Variants in MYO7B observed in about 807,000 individuals in gnomAD.
MYO7B encodes myosin VIIB.
A neutral mutation model predicts 259.7 loss-of-function variants in MYO7B; 212 were observed. The ratio of observed to expected loss-of-function variants is 0.82; its 90% CI spans 0.73 to 0.91. The LOEUF is 0.91. Among genes scored for constraint, MYO7B ranks in the 40% least tolerant of loss-of-function variants. The probability of loss-of-function intolerance (pLI) is 0.00; values close to 1 mark genes in which losing one functional copy is unlikely to be tolerated. For missense variants in MYO7B, 2,732 were observed against 2,813.5 expected, an observed-to-expected ratio of 0.97 and a Z score of 0.66; for synonymous variants, 1,197 against 1,166.4, an observed-to-expected ratio of 1.03 and a Z score of -0.54.
rs997073571 is a variant in MYO7B at position 127,614,786 on chromosome 2, A to G, written c.3398+2183A>G. On this transcript the variant is annotated intron_variant, in intron 26 of 47. Coordinates refer to ENST00000409816, the MANE Select transcript of MYO7B (RefSeq NM_001393586.1). This position sits in a 1 kb window ranked among gnomAD's most constrained non-coding sequence, Gnocchi z 4.6. ...CCAGGAATCACATTCCAAATTTCTT[A>G]TCTTCCCTTATGCAGGCTGGAGGTG... Among the ~76,000 whole-genome samples, 6 of 152,140 alleles carry G rather than the reference A, an allele frequency of 3.9e-5. No homozygotes were observed. The highest frequency in any genetic ancestry group is 1.4e-4 in the African/African-American group (6 of 41,428).
chr2:127,625,128 C>G (rs1185502084), intron 30 of MYO7B, among the ~76,000 whole-genome samples: 1 of 152,242 alleles, frequency 6.6e-6, no homozygotes, highest in Admixed American at 6.5e-5. Context: ...CACCCCAGAA[C>G]TGGAGAGCAG....
chr2:127,576,636 C>G lies in MYO7B; in HGVS notation c.777C>G (p.Leu259=). The G allele has an allele frequency of 6.2e-7, 1 of 1,612,036 alleles. No individual in the cohort carries two copies. Among genetic ancestry groups the G allele is most frequent in the Non-Finnish European group, 8.5e-7 (1 of 1,178,706 alleles). The change falls in exon 8 of 48, where the codon CTC becomes CTG. Residue 259 remains leucine, a synonymous_variant. Coordinates refer to ENST00000409816, the MANE Select transcript of MYO7B (RefSeq NM_001393586.1). This position sits in a 1 kb window ranked among gnomAD's most constrained non-coding sequence, Gnocchi z 4.9. ...ERNYHIFYCM[L]MGVSAEDKQL... ...ACTACCATATCTTCTACTGCATGCT[C>G]ATGGGGGTGAGTGCTGAGGACAAGC...
At chr2:127,594,069 G>C (rs1679672948) in intron 18 of MYO7B, among the ~76,000 whole-genome samples, 1 of 152,258 alleles carries the variant, frequency 6.6e-6, no homozygotes, top group South Asian at 2.1e-4. Context: ...GCAGAGCCCG[G>C]AGGGCTACTG....
chr2:127,618,420 G>A (rs10175435), intron 26 of MYO7B, among the ~76,000 whole-genome samples: 124 of 152,286 alleles, frequency 8.1e-4, no homozygotes, highest in African/African-American at 2.9e-3. Flanking sequence ...GGAGGAGGAG[G>A]TAACGATTGG....
At chr2:127,601,875 C>T (rs1679975140) in intron 19 of MYO7B, among the ~76,000 whole-genome samples, 1 of 152,124 alleles carries the variant, frequency 6.6e-6, no homozygotes, top group African/African-American at 2.4e-5. Context: ...AATGTGGTTT[C>T]ATTATAATGA....
chr2:127,579,615 T>C (rs1405662902), intron 9 of MYO7B, among the ~76,000 whole-genome samples: 2 of 152,108 alleles, frequency 1.3e-5, no homozygotes, highest in African/African-American at 4.8e-5. Context: ...AGACAGGGTC[T>C]TGCTTTGTTG....
In MYO7B at chr2:127,634,305, G is replaced by T. The variant is rs779825003; in HGVS notation, c.5625+16G>T. 6 of 1,545,990 alleles carry T rather than the reference G, an allele frequency of 3.9e-6. No individual in the cohort carries two copies. The highest frequency in any genetic ancestry group is 1.4e-5 in the African/African-American group (1 of 72,166). ...TTCAGACAAGGTGGGCCGGGCTGGG[G>T]CTGGGCAGACGGTGGGCGGACGGGC... On this transcript the variant is annotated intron_variant, in intron 41 of 47. Coordinates refer to ENST00000409816, the MANE Select transcript of MYO7B (RefSeq NM_001393586.1).
rs939729297 is a variant in MYO7B, at chr2:127,580,796, T to C, written c.1054T>C (p.Phe352Leu). 1.2e-6 allele frequency: 2 copies of C among 1,613,350 alleles called. No individual in the cohort carries two copies. The highest frequency in any genetic ancestry group is 1.7e-6 in the Non-Finnish European group (2 of 1,179,710). ...DASDVMETPA[F>L]PTVMKLLEVQ... ...CTCAGACGTGATGGAGACGCCCGCC[T>C]TTCCCACCGTGATGAAGTTACTGGA... Residue 352 changes from phenylalanine (F) to leucine (L), a missense_variant, in exon 10 of 48, where the codon TTT becomes CTT. This residue lies in a region of MYO7B where 1,906 missense variants were observed against 2,026.4 expected (regional missense o/e 0.94). Coordinates refer to ENST00000409816, the MANE Select transcript of MYO7B (RefSeq NM_001393586.1).
chr2:127,631,240 C>T lies in MYO7B; in HGVS notation c.4972C>T (p.Leu1658=), dbSNP rs1349440718. The T allele has an allele frequency of 1.9e-6, 3 of 1,609,346 alleles. No homozygotes were observed. Among genetic ancestry groups the T allele is most frequent in the Admixed American group, 1.7e-5 (1 of 59,822 alleles). ...PEKDMVSMAV[L]PLARARGHLW... Reference sequence around the variant, plus strand: ...GAAGGACATGGTGAGCATGGCCGTGCTGCCCCTGGCCCGTGCCCGTGGCCA... The same window carrying T: ...GAAGGACATGGTGAGCATGGCCGTGTTGCCCCTGGCCCGTGCCCGTGGCCA... The change falls in exon 37 of 48, where the codon CTG becomes TTG. Residue 1658 remains leucine, a synonymous_variant. Transcript: ENST00000409816.
intron 6 of MYO7B, among the ~76,000 whole-genome samples, chr2:127,571,012 G>C (rs552940416): frequency 3.9e-5 from 6 of 152,156 alleles, no homozygotes; most frequent in Non-Finnish European, 8.8e-5. Context: ...GTTGTTTATC[G>C]TTTTTAGCTG....
At chr2:127,634,463 C>A in intron 41 of MYO7B, 133 bp from the exon 42 acceptor site, 1 of 903,800 alleles carries the variant, frequency 1.1e-6, no homozygotes, top group Non-Finnish European at 1.7e-6. Context: ...GCTCCACACG[C>A]CAATAGCCCA....
chr2:127,618,292 A>G (rs1179470606), intron 26 of MYO7B, among the ~76,000 whole-genome samples: 1 of 152,174 alleles, frequency 6.6e-6, no homozygotes, highest in Non-Finnish European at 1.5e-5. Flanking sequence ...ACTTAAAACA[A>G]AAGAAACTGT....
intron 29 of MYO7B, among the ~76,000 whole-genome samples, chr2:127,623,639 C>T (rs1374746338): frequency 6.6e-6 from 1 of 152,202 alleles, no homozygotes; most frequent in Non-Finnish European, 1.5e-5. Flanking sequence ...GTCCCCCACC[C>T]AGCAGCCACG....
At chr2:127,555,031 C>G (rs995663698) in intron 1 of MYO7B, among the ~76,000 whole-genome samples, 1 of 151,828 alleles carries the variant, frequency 6.6e-6, no homozygotes, top group East Asian at 1.9e-4. Flanking sequence ...TCACTGCAAC[C>G]TCTGCCTCCC....
chr2:127,570,611 C>T (rs1227633157), intron 6 of MYO7B, among the ~76,000 whole-genome samples: 2 of 152,246 alleles, frequency 1.3e-5, no homozygotes, highest in African/African-American at 4.8e-5. Flanking sequence ...GTTTGCTTTA[C>T]ATATAGTAAA....
At chr2:127,592,651 G>A (rs1679601260) in intron 16 of MYO7B, 143 bp from the exon 17 acceptor site, 1 of 1,044,806 alleles carries the variant, frequency 9.6e-7, no homozygotes. Context: ...TTCCATCTCT[G>A]GAGGACAGTG....
In MYO7B at chr2:127,539,927, G is replaced by A. The variant is rs374562703; in HGVS notation, c.-24+4096G>A. On this transcript the variant is annotated intron_variant, in intron 1 of 47. Coordinates refer to ENST00000409816, the MANE Select transcript of MYO7B (RefSeq NM_001393586.1). The surrounding 1 kb of genome is among the most constrained non-coding windows in gnomAD (Gnocchi z 4.0). ...CTCCCATTTATAAGTGAGAACATAC[G>A]ATATTTGGTTTTCCATTTCTGAGTT... is the stretch of plus-strand genomic sequence containing the variant. 4.9e-4 allele frequency among the ~76,000 whole-genome samples: 75 copies of A among 152,252 alleles called. 2 individuals are homozygous for A. The South Asian group carries it at 0.015, about 29-fold the overall frequency.
Position 127,577,662 on chromosome 2 carries a change from G to C in MYO7B, c.850-471G>C, listed in dbSNP as rs1481474309. On this transcript the variant is annotated intron_variant, in intron 8 of 47. Transcript: ENST00000409816. This position sits in a 1 kb window ranked among gnomAD's most constrained non-coding sequence, Gnocchi z 5.2. ...GGGGCCAGCTCTGCACCTCCTCCAAGAAGCCTTTCTCCACCTCTCGATAGG... is the reference window on the plus strand; with the variant it reads ...GGGGCCAGCTCTGCACCTCCTCCAACAAGCCTTTCTCCACCTCTCGATAGG... 6.6e-6 allele frequency among the ~76,000 whole-genome samples: 1 copy of C among 152,140 alleles called. No homozygotes were observed. Among genetic ancestry groups the C allele is most frequent in the Non-Finnish European group, 1.5e-5 (1 of 68,018 alleles).
rs529653760 is a variant in MYO7B, at chr2:127,631,208, C to T, written c.4940C>T (p.Ala1647Val). The change falls in exon 37 of 48, where the codon GCT (alanine) becomes GTT (valine). Residue 1647 changes from alanine (A) to valine (V), a missense_variant and splice_region_variant. By Grantham distance (64) the Ala-to-Val change is moderately conservative. This residue lies in a region of MYO7B where 821 missense variants were observed against 769.3 expected (regional missense o/e 1.07). Transcript: ENST00000409816. ...LEEFSYEFFR[A>V]PEKDMVSMAV... The stretch of plus-strand genomic sequence containing the variant: ...CACACCAGCCTCTAACCTCACAGGG[C>T]TCCAGAGAAGGACATGGTGAGCATG... 3.4e-5 allele frequency: 55 copies of T among 1,597,192 alleles called. No homozygotes were observed. Among genetic ancestry groups the T allele is most frequent in the Non-Finnish European group, 3.3e-5 (38 of 1,168,508 alleles).
Sources: gnomAD v4.1 joint callset for allele counts (sites outside exome capture counted in the v4.1 genomes callset) on GRCh38, gnomAD v4.1.1 for gene constraint, gnomAD v4.1.1 regional missense constraint, Gnocchi (gnomAD v3.1) non-coding constraint, MANE v1.5 for transcripts, NCBI Gene and HGNC (gene_info 2026-07-23, HGNC 2026-07-21) for gene names.